The following IQSEC1 variants were observed in gnomAD, a reference collection of about 807,000 sequenced individuals.
The protein encoded by IQSEC1 is IQ motif and SEC7 domain-containing protein 1.
In IQSEC1, 31 loss-of-function variants were observed where a neutral mutation model predicts 91.0. The ratio of observed to expected loss-of-function variants is 0.34; its 90% CI spans 0.26 to 0.46. The LOEUF is 0.46. Among genes scored for constraint, IQSEC1 ranks in the 20% least tolerant of loss-of-function variants. The pLI, the probability that IQSEC1 is intolerant of heterozygous loss-of-function variation, is 1.00. For missense variants in IQSEC1, 1,388 were observed against 1,575.6 expected (o/e 0.88, Z 2.02); for synonymous variants, 699 against 662.6 (o/e 1.05, Z -0.84).
rs538057767 is a variant in IQSEC1, at chr3:13,071,178, T to C, written c.23+1814A>G. On this transcript the variant is annotated intron_variant, in intron 1 of 13. Transcript: ENST00000613206. ...GTTTTTTTTTTTTTGTTTGTTTCTT[T>C]AACTGCTCCTCAAGTGATTCCAGTA... 4.1e-5 allele frequency among the ~76,000 whole-genome samples: 6 copies of C among 147,668 alleles called. No individual in the cohort carries two copies. The East Asian group carries it at 1.0e-3, about 25-fold the overall frequency.
intron 2 of IQSEC1, among the ~76,000 whole-genome samples, chr3:13,096,722 C>T (rs1190254009): frequency 6.6e-6 from 1 of 152,170 alleles, no homozygotes; most frequent in Non-Finnish European, 1.5e-5. Context: ...GCTACATACC[C>T]AGAATAGCAC....
chr3:13,258,461 C>T (rs2125126402), intron 1 of IQSEC1, among the ~76,000 whole-genome samples: 1 of 152,284 alleles, frequency 6.6e-6, no homozygotes, highest in East Asian at 1.9e-4. Flanking sequence ...ATGGGAGGAT[C>T]ACTGGAGCCT....
In IQSEC1 at chr3:13,282,707, T is replaced by G; in HGVS notation, c.272+4A>C. ...ACACGCCCGCCGCCCCGGGCCCCGC[T>G]TACTTGTCGCGGCGGCCGCCGAGCT... is the stretch of plus-strand genomic sequence containing the variant. On this transcript the variant is annotated splice_donor_region_variant and intron_variant, in intron 1 of 15. Coordinates refer to the IQSEC1 transcript ENST00000648114. The surrounding 1 kb of genome is among the most constrained non-coding windows in gnomAD (Gnocchi z 6.4). Among the ~76,000 whole-genome samples the G allele has an allele frequency of 6.8e-6, 1 of 146,856 alleles. No individual in the cohort carries two copies. The highest frequency in any genetic ancestry group is 1.5e-5 in the Non-Finnish European group (1 of 66,594).
intron 1 of IQSEC1, among the ~76,000 whole-genome samples, chr3:13,232,437 G>A (rs991698556): frequency 1.3e-5 from 2 of 152,206 alleles, no homozygotes; most frequent in Non-Finnish European, 2.9e-5. Context: ...CGCAGGAAAC[G>A]CTTGTAGCAG....
intron 1 of IQSEC1, among the ~76,000 whole-genome samples, chr3:13,041,458 C>T (rs1368337652): frequency 1.3e-5 from 2 of 152,228 alleles, no homozygotes; most frequent in African/African-American, 4.8e-5. Context: ...TGCTCGTATG[C>T]TAATGGCCGC....
chr3:13,029,631 G>C (rs1230578074), intron 1 of IQSEC1, among the ~76,000 whole-genome samples: 1 of 152,234 alleles, frequency 6.6e-6, no homozygotes, highest in East Asian at 1.9e-4. Context: ...CCTGGGTCTT[G>C]CCGTCCAGGT....
intron 1 of IQSEC1, among the ~76,000 whole-genome samples, chr3:13,016,664 G>A (rs935792103): frequency 6.6e-6 from 1 of 152,238 alleles, no homozygotes; most frequent in Middle Eastern, 3.4e-3. Flanking sequence ...TCTTCCCCAA[G>A]GTCCTCACAA....
chr3:13,094,350 G>A (rs1282193563), intron 2 of IQSEC1, among the ~76,000 whole-genome samples: 1 of 152,100 alleles, frequency 6.6e-6, no homozygotes, highest in Non-Finnish European at 1.5e-5. Context: ...AGGCTTGCAG[G>A]GGCTGACCTT....
At position 12,935,602 on chromosome 3, in the gene IQSEC1, T is replaced by G. The variant is rs1698096773; in HGVS notation, c.1414A>C (p.Ser472Arg). The G allele has an allele frequency of 6.2e-7, 1 of 1,614,034 alleles. No homozygotes were observed. The change falls in exon 3 of 14, where the codon AGC becomes CGC. Residue 472 changes from serine (S) to arginine (R), a missense_variant. Physicochemically the swap from Ser to Arg is moderately radical, Grantham distance 110. Transcript: ENST00000613206. The surrounding 1 kb of genome is among the most constrained non-coding windows in gnomAD (Gnocchi z 8.0). ...CTGTCACGGGACGATGACTCGGAGC[T>G]GCAGTTGATGGTATCGTTGGAGTTG... is the stretch of plus-strand genomic sequence containing the variant. ...TSNSNDTINCSSESSSRDSLR... is the reference protein window; with the variant it reads ...TSNSNDTINCRSESSSRDSLR...
intron 2 of IQSEC1, among the ~76,000 whole-genome samples, chr3:13,083,491 G>C (rs1162727669): frequency 6.6e-6 from 1 of 152,236 alleles, no homozygotes; most frequent in Non-Finnish European, 1.5e-5. Context: ...CTGAACAATG[G>C]GGTGGCACAT....
In IQSEC1 at chr3:13,154,438, C is replaced by CACAT. The variant is rs1277879413; in HGVS notation, c.302+9665_302+9666insATGT. Among the ~76,000 whole-genome samples the CACAT allele has an allele frequency of 5.0e-3, 103 of 20,756 alleles. 22 individuals carry two copies. In the South Asian group the frequency reaches 0.077, roughly 15 times the overall value. The allele number at this position is 20,756 out of a possible 152,430, so 13.6% of individuals were successfully genotyped here. Reference sequence around the variant, plus strand: ...ACACCAGGAAGCTGGAACTTACATGCATATATATATATATATATATATATA... The same window carrying CACAT: ...ACACCAGGAAGCTGGAACTTACATGCACATATATATATATATATATATATATATA... On this transcript the variant is annotated intron_variant, in intron 2 of 15. Coordinates refer to the IQSEC1 transcript ENST00000648114.
At chr3:13,268,851 C>T (rs1695544633) in intron 1 of IQSEC1, among the ~76,000 whole-genome samples, 1 of 152,068 alleles carries the variant, frequency 6.6e-6, no homozygotes. Flanking sequence ...GCTGCCTGCC[C>T]CAGAGAGGGA....
intron 1 of IQSEC1, among the ~76,000 whole-genome samples, chr3:13,206,255 G>A (rs1051223266): frequency 6.7e-6 from 1 of 149,188 alleles, no homozygotes; most frequent in Non-Finnish European, 1.5e-5. Context: ...ATAGGGTGTG[G>A]CACTAACAGA....
At position 12,939,647 on chromosome 3, in the gene IQSEC1, T is replaced by C. The variant is rs535359034; in HGVS notation, c.318+1924A>G. 4.6e-5 allele frequency among the ~76,000 whole-genome samples: 7 copies of C among 152,298 alleles called. No homozygotes were observed. The East Asian group carries it at 1.4e-3, about 29-fold the overall frequency. ...GGCCCTTGATGTCGCCTCCTCCCTC[T>C]TACCTCTTTGGAACCTCTTCCAGGC... On this transcript the variant is annotated intron_variant, in intron 2 of 13. Coordinates refer to ENST00000613206, the MANE Select transcript of IQSEC1 (RefSeq NM_001134382.3).
chr3:13,165,820 C>T (rs1405922791), intron 1 of IQSEC1, among the ~76,000 whole-genome samples: 2 of 152,132 alleles, frequency 1.3e-5, no homozygotes, highest in African/African-American at 4.8e-5. Flanking sequence ...CACACTGTTC[C>T]TGCATTTCTG....
rs1693992385 is a variant in IQSEC1, at chr3:13,189,873, G to A, written c.273-25740C>T. ...CACCCCAGCTGATCTCTGCTCATCT[G>A]TGACTCATCTAGGCCAGTTGCTGGG... On this transcript the variant is annotated intron_variant, in intron 1 of 15. Coordinates refer to the IQSEC1 transcript ENST00000648114. 3.3e-5 allele frequency among the ~76,000 whole-genome samples: 5 copies of A among 152,228 alleles called. No individual in the cohort carries two copies. The South Asian group carries it at 1.0e-3, about 31-fold the overall frequency.
At chr3:13,131,478 C>CTTTTTTTTTT (rs61345195) in intron 2 of IQSEC1, among the ~76,000 whole-genome samples, 2 of 81,706 alleles carry the variant, frequency 2.4e-5, no homozygotes, top group African/African-American at 9.3e-5. Context: ...AAATCTATGT[C>CTTTTTTTTTT]TTTTTTTTTT....
intron 1 of IQSEC1, among the ~76,000 whole-genome samples, chr3:13,234,505 A>G (rs11128637): frequency 0.39 from 59,337 of 152,072 alleles, 12,387 homozygotes; most frequent in East Asian, 0.71. Flanking sequence ...CTTCCCTGAA[A>G]CACCTGAATT....
chr3:13,185,383 T>C (rs1693913541), intron 1 of IQSEC1, among the ~76,000 whole-genome samples: 1 of 152,202 alleles, frequency 6.6e-6, no homozygotes, highest in Non-Finnish European at 1.5e-5. Context: ...CTGTACCTAA[T>C]GCTCTCCGAA....
Sources: allele counts gnomAD v4.1 joint callset (sites outside exome capture counted in the v4.1 genomes callset), GRCh38; gene constraint gnomAD v4.1.1; non-coding constraint Gnocchi (gnomAD v3.1); transcripts MANE v1.5; gene names NCBI Gene and HGNC (gene_info 2026-07-23, HGNC 2026-07-21).